The following CNTN5 variants were observed in gnomAD, a reference collection of about 807,000 sequenced individuals.
CNTN5 encodes the protein contactin-5.
Under a neutral mutation model 129.1 loss-of-function variants are expected in CNTN5, and 77 were observed. The observed-to-expected ratio is 0.60, with a 90% CI of 0.50 to 0.72. CNTN5 has a LOEUF of 0.72. Ranked by LOEUF, CNTN5 falls within the 30% of genes least tolerant of loss-of-function variation. The pLI, the probability that CNTN5 is intolerant of heterozygous loss-of-function variation, is 0.00. For missense variants in CNTN5, 1,478 were observed against 1,328.8 expected (o/e 1.11, Z -1.75); for synonymous variants, 509 against 465.6 (o/e 1.09, Z -1.20).
chr11:99,610,129 C>T (rs916807928), intron 3 of CNTN5, among the ~76,000 whole-genome samples: 2 of 152,126 alleles, frequency 1.3e-5, no homozygotes, highest in Non-Finnish European at 2.9e-5. Flanking sequence ...AAACACTTAA[C>T]CCTGCTTTCT....
At chr11:99,777,343 G>T (rs1467339019) in intron 3 of CNTN5, among the ~76,000 whole-genome samples, 1 of 151,784 alleles carries the variant, frequency 6.6e-6, no homozygotes, top group African/African-American at 2.4e-5. Flanking sequence ...TAAAAGCACT[G>T]TTCTTCTGTT....
intron 18 of CNTN5, among the ~76,000 whole-genome samples, chr11:100,279,592 T>C (rs1349910981): frequency 6.6e-6 from 1 of 152,024 alleles, no homozygotes; most frequent in Non-Finnish European, 1.5e-5. Flanking sequence ...TTCCAATTTA[T>C]TGGCACATAG....
At chr11:99,643,276 T>C (rs1247463940) in intron 3 of CNTN5, among the ~76,000 whole-genome samples, 3 of 152,134 alleles carry the variant, frequency 2.0e-5, no homozygotes, top group African/African-American at 7.2e-5. Flanking sequence ...TGTAGGTGTA[T>C]ACGAATATTT....
chr11:99,947,601 T>C (rs1345433173), intron 7 of CNTN5, among the ~76,000 whole-genome samples: 2 of 152,170 alleles, frequency 1.3e-5, no homozygotes, highest in South Asian at 2.1e-4. Flanking sequence ...AATCTCGTTA[T>C]AATAATTTAT....
chr11:99,971,175 A>G (rs1327169881), intron 8 of CNTN5, among the ~76,000 whole-genome samples: 1 of 152,152 alleles, frequency 6.6e-6, no homozygotes, highest in Non-Finnish European at 1.5e-5. Context: ...TACCAGCTTG[A>G]CATTTCACTC....
At chr11:99,648,268 T>A (rs1952036356) in intron 3 of CNTN5, among the ~76,000 whole-genome samples, 1 of 151,962 alleles carries the variant, frequency 6.6e-6, no homozygotes, top group African/African-American at 2.4e-5. Context: ...ATTCCTGGGA[T>A]AAATAAATCC....
chr11:99,128,622 T>C lies in CNTN5; in HGVS notation c.-210+107352T>C, dbSNP rs117896998. Reference sequence around the variant, plus strand: ...AGCACAACGGCTCTGCTAAAAGATATACAAACTACTTCCTTAAGTGGGTCC... The same window carrying C: ...AGCACAACGGCTCTGCTAAAAGATACACAAACTACTTCCTTAAGTGGGTCC... On this transcript the variant is annotated intron_variant, in intron 1 of 24. Transcript: ENST00000524871. 2.9e-3 allele frequency among the ~76,000 whole-genome samples: 440 copies of C among 152,276 alleles called. 3 individuals are homozygous for C. Among genetic ancestry groups the C allele is most frequent in the Non-Finnish European group, 5.3e-3 (362 of 68,012 alleles).
intron 1 of CNTN5, among the ~76,000 whole-genome samples, chr11:99,216,765 C>T (rs1401755237): frequency 6.6e-6 from 1 of 151,658 alleles, no homozygotes; most frequent in African/African-American, 2.4e-5. Context: ...GATACCAAAG[C>T]AAAAAAGGAC....
At position 99,463,343 on chromosome 11, in the gene CNTN5, C is replaced by T. The variant is rs1189534809; in HGVS notation, c.-70-92802C>T. On this transcript the variant is annotated intron_variant, in intron 2 of 24. Transcript: ENST00000524871. ...GTCCCAGCTACTCGGGAGGCTGAGGCGGGAGAATGGCGTGAACCCGGGAGG... is the reference window on the plus strand; with the variant it reads ...GTCCCAGCTACTCGGGAGGCTGAGGTGGGAGAATGGCGTGAACCCGGGAGG... Among the ~76,000 whole-genome samples the T allele has an allele frequency of 4.9e-5, 7 of 144,264 alleles. No individual in the cohort carries two copies. In the South Asian group the frequency reaches 9.2e-4, roughly 19 times the overall value. The allele number at this position is 144,264 out of a possible 152,430, so 94.6% of individuals were successfully genotyped here. A position where few individuals can be genotyped will look rare whatever the true frequency, so the allele number is the denominator to read the frequency against.
At chr11:99,286,043 A>G (rs1175580125) in intron 1 of CNTN5, among the ~76,000 whole-genome samples, 1 of 150,572 alleles carries the variant, frequency 6.6e-6, no homozygotes. Context: ...ATCTGGAGAA[A>G]AAAAAAAAAA....
Position 99,693,493 on chromosome 11 carries a change from A to C in CNTN5, c.56-126051A>C, listed in dbSNP as rs146415151. On this transcript the variant is annotated intron_variant, in intron 3 of 24. Transcript: ENST00000524871. ...GGGGTTGAAGGATGAGAAGCTGATG[A>C]GGTAAAGGTTATGAAATGAGGCATG... is the stretch of plus-strand genomic sequence containing the variant. Among the ~76,000 whole-genome samples, 812 of 151,954 alleles carry C rather than the reference A, an allele frequency of 5.3e-3. 5 individuals are homozygous for C. The highest frequency in any genetic ancestry group is 8.8e-3 in the Non-Finnish European group (600 of 67,958).
In CNTN5 at chr11:99,390,984, T is replaced by C. The variant is rs552098840; in HGVS notation, c.-71+65500T>C. On this transcript the variant is annotated intron_variant, in intron 2 of 24. Transcript: ENST00000524871. ...ACCAGTAATTATTGAAATATTCTAA[T>C]AACTCAAAAATGATTTTAACTAAAT... Among the ~76,000 whole-genome samples, 16 of 152,166 alleles carry C rather than the reference T, an allele frequency of 1.1e-4. No homozygotes were observed. The South Asian group carries it at 3.3e-3, about 32-fold the overall frequency.
intron 3 of CNTN5, among the ~76,000 whole-genome samples, chr11:99,806,790 G>A (rs1159691144): frequency 7.0e-6 from 1 of 142,842 alleles, no homozygotes; most frequent in Non-Finnish European, 1.5e-5. Flanking sequence ...CTGGGCGACA[G>A]AGCAAGACTC....
chr11:100,020,454 G>A (rs188728905), intron 9 of CNTN5, among the ~76,000 whole-genome samples: 8 of 152,002 alleles, frequency 5.3e-5, no homozygotes, highest in Admixed American at 2.6e-4. Context: ...GTGTCAACTC[G>A]TTTTTTGATT....
intron 23 of CNTN5, among the ~76,000 whole-genome samples, chr11:100,341,480 G>A (rs752366225): frequency 5.9e-5 from 9 of 152,158 alleles, no homozygotes; most frequent in African/African-American, 2.2e-4. Flanking sequence ...CATGATATTA[G>A]GACCAGCAGA....
chr11:99,891,355 A>C (rs1314029516), intron 6 of CNTN5, among the ~76,000 whole-genome samples: 1 of 151,648 alleles, frequency 6.6e-6, no homozygotes, highest in Non-Finnish European at 1.5e-5. Context: ...TTATATTTTA[A>C]GTTCTGGGGC....
intron 1 of CNTN5, among the ~76,000 whole-genome samples, chr11:99,077,594 C>A (rs1865629253): frequency 6.6e-6 from 1 of 152,196 alleles, no homozygotes; most frequent in African/African-American, 2.4e-5. Flanking sequence ...CTAAAAGCAT[C>A]ACTAAGTGGT....
intron 1 of CNTN5, among the ~76,000 whole-genome samples, chr11:99,304,957 A>G (rs1280792295): frequency 6.6e-6 from 1 of 152,196 alleles, no homozygotes; most frequent in Non-Finnish European, 1.5e-5. Flanking sequence ...TTACTAATAG[A>G]TATATCTGTT....
rs572989283 is a variant in CNTN5 at position 99,415,937 on chromosome 11, A to T, written c.-71+90453A>T. On this transcript the variant is annotated intron_variant, in intron 2 of 24. Transcript: ENST00000524871. ...AATTAATTCTGCTCTTGATTTTTCC[A>T]GTGTTTATTTATTTCAAAAACCTAA... 3.9e-5 allele frequency among the ~76,000 whole-genome samples: 6 copies of T among 152,262 alleles called. No homozygotes were observed. The East Asian group carries it at 1.2e-3, about 29-fold the overall frequency.
Sources: allele counts gnomAD v4.1 joint callset (sites outside exome capture counted in the v4.1 genomes callset), GRCh38; gene constraint gnomAD v4.1.1; transcripts MANE v1.5; gene names NCBI Gene and HGNC (gene_info 2026-07-23, HGNC 2026-07-21).